Variants in WWC2 observed in about 807,000 individuals in gnomAD.
WWC2 encodes WW and C2 domain containing 2.
In WWC2, 101 loss-of-function variants were observed where a neutral mutation model predicts 138.5. The observed-to-expected ratio is 0.73, with a 90% CI of 0.62 to 0.86. The LOEUF (loss-of-function observed/expected upper bound fraction) is 0.86. WWC2 is among the 40% of genes least tolerant of loss of function. WWC2 has a pLI of 0.00. For synonymous variants in WWC2, 558 were observed against 538.4 expected (o/e 1.04, Z -0.50); for missense variants, 1,420 against 1,419.4 (o/e 1.00, Z -0.01).
chr4:183,221,340 A>G (rs1378677790), intron 4 of WWC2, among the ~76,000 whole-genome samples: 1 of 152,250 alleles, frequency 6.6e-6, no homozygotes, highest in Non-Finnish European at 1.5e-5. Context: ...ATCTCTAATT[A>G]TAGTTGGACA....
chr4:183,122,803 G>T (rs866765418), intron 1 of WWC2, among the ~76,000 whole-genome samples: 1 of 152,292 alleles, frequency 6.6e-6, no homozygotes, highest in Admixed American at 6.5e-5. Flanking sequence ...ACAGGCATGA[G>T]CCACCGTGCC....
chr4:183,275,186 A>G (rs187055719), intron 16 of WWC2, among the ~76,000 whole-genome samples: 48 of 152,206 alleles, frequency 3.2e-4, no homozygotes, highest in African/African-American at 1.2e-3. Context: ...TACTGAACTC[A>G]TTTATTAATT....
intron 1 of WWC2, among the ~76,000 whole-genome samples, chr4:183,115,935 A>G (rs1261843346): frequency 1.3e-5 from 2 of 152,014 alleles, no homozygotes; most frequent in Admixed American, 1.3e-4. Context: ...CCAGAATGGT[A>G]TTTCCTAGGT....
At chr4:183,101,089 T>TAA (rs1743165855) in intron 1 of WWC2, among the ~76,000 whole-genome samples, 1 of 152,254 alleles carries the variant, frequency 6.6e-6, no homozygotes. Context: ...TGTATAAATA[T>TAA]TTGACTTTTA....
At chr4:183,231,511 C>T (rs919116155) in intron 4 of WWC2, among the ~76,000 whole-genome samples, 4 of 151,926 alleles carry the variant, frequency 2.6e-5, no homozygotes, top group Non-Finnish European at 5.9e-5. Flanking sequence ...CTCAAGTGAT[C>T]CACCTGCCTT....
chr4:183,127,611 A>AT (rs950107621), intron 1 of WWC2, among the ~76,000 whole-genome samples: 1 of 152,148 alleles, frequency 6.6e-6, no homozygotes, highest in Non-Finnish European at 1.5e-5. Context: ...TATATTTGGG[A>AT]TTTTTGCTAA....
rs758370577 is a variant in WWC2, at chr4:183,174,828, G to GCT, written c.132-18758_132-18757dup. On this transcript the variant is annotated intron_variant, in intron 1 of 22. Coordinates refer to ENST00000403733, the MANE Select transcript of WWC2 (RefSeq NM_024949.6). ...CTCTCTCTGTCTCTCTCTCTTTTGC[G>GCT]CTCTCTCTCTCTCTGTAATATTCTA... is the stretch of plus-strand genomic sequence containing the variant. Among the ~76,000 whole-genome samples, 45 of 146,042 alleles carry GCT rather than the reference G, an allele frequency of 3.1e-4. 1 individual carries two copies. Among genetic ancestry groups the GCT allele is most frequent in the Admixed American group, 6.2e-4 (9 of 14,608 alleles).
intron 2 of WWC2, among the ~76,000 whole-genome samples, chr4:183,207,577 G>A (rs1735481526): frequency 2.0e-5 from 3 of 152,186 alleles, no homozygotes; most frequent in African/African-American, 7.2e-5. Flanking sequence ...GCAGAGGGCA[G>A]TGTGTCTACA....
chr4:183,196,285 T>C (rs1735140145), intron 2 of WWC2, among the ~76,000 whole-genome samples: 1 of 152,190 alleles, frequency 6.6e-6, no homozygotes, highest in Non-Finnish European at 1.5e-5. Context: ...CTACAAACTA[T>C]CAAATCCAAA....
chr4:183,105,558 A>G (rs968642480), intron 1 of WWC2, among the ~76,000 whole-genome samples: 2 of 152,166 alleles, frequency 1.3e-5, no homozygotes, highest in African/African-American at 2.4e-5. Flanking sequence ...CCTGGTTCCT[A>G]TGAACTTGAT....
At chr4:183,116,239 T>C (rs954024520) in intron 1 of WWC2, among the ~76,000 whole-genome samples, 1 of 152,168 alleles carries the variant, frequency 6.6e-6, no homozygotes, top group Non-Finnish European at 1.5e-5. Flanking sequence ...ATCTTATACT[T>C]TTCACCACTG....
intron 5 of WWC2, among the ~76,000 whole-genome samples, chr4:183,242,453 G>A (rs1736652978): frequency 6.6e-6 from 1 of 152,112 alleles, no homozygotes; most frequent in Admixed American, 6.5e-5. Flanking sequence ...AGACAAATGT[G>A]GCATTGTTCT....
intron 1 of WWC2, among the ~76,000 whole-genome samples, chr4:183,110,509 T>C (rs1732199230): frequency 6.6e-6 from 1 of 151,510 alleles, no homozygotes; most frequent in African/African-American, 2.4e-5. Flanking sequence ...CAAATCATGG[T>C]TCCAAAATGG....
chr4:183,195,175 C>T (rs749679887), intron 2 of WWC2, among the ~76,000 whole-genome samples: 51 of 152,196 alleles, frequency 3.4e-4, no homozygotes, highest in Non-Finnish European at 5.7e-4. Flanking sequence ...CACGGTGTCT[C>T]ACCCTTATGT....
In WWC2 at chr4:183,319,889, A is replaced by C. The variant is rs565395129; in HGVS notation, c.*4160A>C. 59 of 1,613,634 alleles carry C rather than the reference A, an allele frequency of 3.7e-5. No homozygotes were observed. In the East Asian group the frequency reaches 1.3e-3, roughly 36 times the overall value. On this transcript the variant is annotated 3_prime_UTR_variant, in exon 23 of 23. Transcript: ENST00000403733. ...GCAGTCGCCTCTTGAGATCTCTCTG[A>C]CTCTCTCCAATTCTCAAACAGTCCA...
At chr4:183,189,549 G>T (rs966168812) in intron 1 of WWC2, among the ~76,000 whole-genome samples, 1 of 152,052 alleles carries the variant, frequency 6.6e-6, no homozygotes, top group South Asian at 2.1e-4. Context: ...TAAAATTCAA[G>T]TTGTGAAACA....
chr4:183,163,036 A>G (rs1734006231), intron 1 of WWC2, among the ~76,000 whole-genome samples: 3 of 152,238 alleles, frequency 2.0e-5, no homozygotes, highest in Non-Finnish European at 4.4e-5. Flanking sequence ...GCTTTGAGAT[A>G]AAACAGCGAT....
chr4:183,315,290 G>A (rs1229217291), intron 22 of WWC2, among the ~76,000 whole-genome samples: 1 of 152,170 alleles, frequency 6.6e-6, no homozygotes, highest in African/African-American at 2.4e-5. Flanking sequence ...GCTTTTCTGT[G>A]AGGTTACTGA....
intron 1 of WWC2, among the ~76,000 whole-genome samples, chr4:183,133,157 T>TG (rs1561429455): frequency 7.0e-6 from 1 of 142,806 alleles, no homozygotes; most frequent in African/African-American, 2.7e-5. Context: ...TTTTTCTTTT[T>TG]TTTTTTTTTT....
Sources: allele counts gnomAD v4.1 joint callset (sites outside exome capture counted in the v4.1 genomes callset), GRCh38; gene constraint gnomAD v4.1.1; transcripts MANE v1.5; gene names NCBI Gene and HGNC (gene_info 2026-07-23, HGNC 2026-07-21).